Variants in IGF1R observed in about 807,000 individuals in gnomAD.
The protein encoded by IGF1R is insulin-like growth factor 1 receptor.
A neutral mutation model predicts 144.6 loss-of-function variants in IGF1R; 44 were observed. The observed-to-expected ratio is 0.30, with a 90% CI of 0.24 to 0.39. IGF1R has a LOEUF of 0.39. Among genes scored for constraint, IGF1R ranks in the 10% least tolerant of loss-of-function variants. IGF1R has a pLI of 1.00. For missense variants in IGF1R, 1,355 were observed against 1,833.7 expected (o/e 0.74, Z 4.77); for synonymous variants, 795 against 722.8 (o/e 1.10, Z -1.60).
At chr15:98,794,338 G>A (rs1198836233) in intron 2 of IGF1R, among the ~76,000 whole-genome samples, 2 of 152,136 alleles carry the variant, frequency 1.3e-5, no homozygotes, top group Non-Finnish European at 2.9e-5. Flanking sequence ...CTGGGTATAT[G>A]GAGACATTCT....
chr15:98,945,721 T>G (rs80038690), intron 19 of IGF1R, among the ~76,000 whole-genome samples: 3,018 of 152,282 alleles, frequency 0.02, 70 homozygotes, highest in African/African-American at 0.061. Context: ...AAGTCTGCGG[T>G]ACCTGAATAG....
chr15:98,950,691 T>A (rs2016739462), intron 20 of IGF1R, among the ~76,000 whole-genome samples: 1 of 152,186 alleles, frequency 6.6e-6, no homozygotes, highest in South Asian at 2.1e-4. Flanking sequence ...CCCAGGATAC[T>A]CTCTCCCTTT....
intron 2 of IGF1R, among the ~76,000 whole-genome samples, chr15:98,725,139 G>A (rs1268572152): frequency 6.6e-6 from 1 of 152,114 alleles, no homozygotes; most frequent in African/African-American, 2.4e-5. Flanking sequence ...ACTCTCAGGG[G>A]CCCTGGATCT....
At chr15:98,698,143 A>AT (rs2053640295) in intron 1 of IGF1R, among the ~76,000 whole-genome samples, 1 of 148,060 alleles carries the variant, frequency 6.8e-6, no homozygotes, top group Non-Finnish European at 1.5e-5. Context: ...GGTTGAAGTG[A>AT]TTCTTCTGCC....
intron 2 of IGF1R, among the ~76,000 whole-genome samples, chr15:98,752,384 C>T (rs570587892): frequency 4.6e-5 from 7 of 151,734 alleles, no homozygotes; most frequent in South Asian, 2.1e-4. Flanking sequence ...TGTTTATTAA[C>T]GAAAATATGT....
Position 98,957,192 on chromosome 15 carries a change from A to G in IGF1R, c.3854A>G (p.Asn1285Ser), listed in dbSNP as rs780352199. 2 of 1,614,228 alleles carry G rather than the reference A, an allele frequency of 1.2e-6. No individual in the cohort carries two copies. The highest frequency in any genetic ancestry group is 8.5e-7 in the Non-Finnish European group (1 of 1,180,042). Residue 1285 changes from asparagine (N) to serine (S), a missense_variant, in exon 21 of 21, where the codon AAC (asparagine) becomes AGC (serine). By Grantham distance (46) the Asn-to-Ser change is conservative (BLOSUM62 1). Transcript: ENST00000650285. Reference sequence around the variant, plus strand: ...GTCTCCTTCTACTACAGCGAGGAGAACAAGCTGCCCGAGCCGGAGGAGCTG... The same window carrying G: ...GTCTCCTTCTACTACAGCGAGGAGAGCAAGCTGCCCGAGCCGGAGGAGCTG... ...REVSFYYSEE[N>S]KLPEPEELDL...
Position 98,768,860 on chromosome 15 carries a change from G to A in IGF1R, c.640+60753G>A, listed in dbSNP as rs1445120165. On this transcript the variant is annotated intron_variant, in intron 2 of 20. Transcript: ENST00000650285. ...GGAGAATGGCGTGAGCCCAGGAGGC[G>A]GAGGTTGCAGTGAGCGGAGATCACA... is the stretch of plus-strand genomic sequence containing the variant. 4.6e-5 allele frequency among the ~76,000 whole-genome samples: 7 copies of A among 151,760 alleles called. No individual in the cohort carries two copies. The East Asian group carries it at 5.8e-4, about 13-fold the overall frequency.
intron 2 of IGF1R, among the ~76,000 whole-genome samples, chr15:98,849,089 C>G (rs1357041344): frequency 6.6e-6 from 1 of 151,808 alleles, no homozygotes; most frequent in Non-Finnish European, 1.5e-5. Flanking sequence ...AAAACAAAAA[C>G]AAACAAACAA....
At chr15:98,673,971 A>G (rs2052966018) in intron 1 of IGF1R, among the ~76,000 whole-genome samples, 1 of 152,208 alleles carries the variant, frequency 6.6e-6, no homozygotes, top group African/African-American at 2.4e-5. Context: ...TCTCTTGTCT[A>G]GAGAAGCTGT....
In IGF1R at chr15:98,923,857, A is replaced by C; in HGVS notation, c.2486-19A>C. The stretch of plus-strand genomic sequence containing the variant: ...CTGGGAACCCAAATCCAACTTTGTC[A>C]CCTGTTTAAATTGTACAGAAGGAGC... On this transcript the variant is annotated intron_variant, in intron 11 of 20. Transcript: ENST00000650285. The C allele has an allele frequency of 1.2e-6, 2 of 1,612,838 alleles. No individual in the cohort carries two copies. The highest frequency in any genetic ancestry group is 4.5e-5 in the East Asian group (2 of 44,874).
At chr15:98,763,266 A>T (rs142200727) in intron 2 of IGF1R, among the ~76,000 whole-genome samples, 42 of 152,210 alleles carry the variant, frequency 2.8e-4, no homozygotes, top group African/African-American at 9.9e-4. Context: ...CTAGTTAGGG[A>T]AATGTTTTGT....
chr15:98,728,270 A>G (rs565894128), intron 2 of IGF1R, among the ~76,000 whole-genome samples: 1 of 152,210 alleles, frequency 6.6e-6, no homozygotes, highest in African/African-American at 2.4e-5. Context: ...GCCATCACAG[A>G]TCCCGGTGCC....
intron 2 of IGF1R, among the ~76,000 whole-genome samples, chr15:98,862,087 G>A (rs1240331017): frequency 6.6e-6 from 1 of 152,226 alleles, no homozygotes; most frequent in Non-Finnish European, 1.5e-5. Context: ...CATAGTGGTG[G>A]ATCAGGAAAC....
intron 6 of IGF1R, 34 bp from the exon 7 acceptor site, chr15:98,911,281 T>C: frequency 3.1e-6 from 5 of 1,613,696 alleles, no homozygotes; most frequent in Non-Finnish European, 4.2e-6. Flanking sequence ...GACACATGAA[T>C]CTCTGTCACT....
chr15:98,849,283 T>C (rs1253719745), intron 2 of IGF1R, among the ~76,000 whole-genome samples: 3 of 152,210 alleles, frequency 2.0e-5, no homozygotes, highest in South Asian at 2.1e-4. Context: ...TCACAAATCA[T>C]TGGGACTAAG....
At chr15:98,847,699 A>C (rs563389141) in intron 2 of IGF1R, among the ~76,000 whole-genome samples, 2 of 152,172 alleles carry the variant, frequency 1.3e-5, no homozygotes, top group African/African-American at 2.4e-5. Flanking sequence ...TAGTTCCAGA[A>C]TCGTCTGGAT....
intron 2 of IGF1R, among the ~76,000 whole-genome samples, chr15:98,753,401 T>TG (rs1173417530): frequency 7.0e-6 from 1 of 142,658 alleles, no homozygotes; most frequent in Non-Finnish European, 1.5e-5. Context: ...TTTTTTTTTT[T>TG]TTTGTATTTT....
In IGF1R at chr15:98,907,076, C is replaced by T. The variant is rs188354189; in HGVS notation, c.1248-1609C>T. On this transcript the variant is annotated intron_variant, in intron 5 of 20. Coordinates refer to ENST00000650285, the MANE Select transcript of IGF1R (RefSeq NM_000875.5). ...CCTGTGCATTCCCCTTGTTGTCCTA[C>T]GAGTGAGTAAACAGGGCTACAGATA... Among the ~76,000 whole-genome samples the T allele has an allele frequency of 4.5e-4, 68 of 152,278 alleles. 1 individual carries two copies. The East Asian group carries it at 8.9e-3, about 20-fold the overall frequency.
intron 1 of IGF1R, among the ~76,000 whole-genome samples, chr15:98,703,690 T>C (rs1431027757): frequency 2.0e-5 from 3 of 152,218 alleles, no homozygotes; most frequent in Non-Finnish European, 4.4e-5. Flanking sequence ...CTCTGTAGTG[T>C]GGCCTCTGTT....
Sources: gnomAD v4.1 joint callset for allele counts (sites outside exome capture counted in the v4.1 genomes callset) on GRCh38, gnomAD v4.1.1 for gene constraint, MANE v1.5 for transcripts, NCBI Gene and HGNC (gene_info 2026-07-23, HGNC 2026-07-21) for gene names.